Variants in BSN observed in about 807,000 individuals in gnomAD.
The protein encoded by BSN is bassoon presynaptic cytomatrix protein, also known as protein bassoon.
Under a neutral mutation model 264.8 loss-of-function variants are expected in BSN, and 57 were observed. The observed-to-expected ratio is 0.22, with a 90% CI of 0.17 to 0.27. The LOEUF (loss-of-function observed/expected upper bound fraction) is 0.27. BSN is among the 10% of genes least tolerant of loss of function. BSN has a pLI of 1.00. For missense variants in BSN, 4,615 were observed against 5,232.5 expected (o/e 0.88, Z 3.64); for synonymous variants, 2,059 against 2,137.3 (o/e 0.96, Z 1.01).
At chr3:49,580,978 C>CT (rs71080537) in intron 1 of BSN, among the ~76,000 whole-genome samples, 42,737 of 143,782 alleles carry the variant, frequency 0.3, 6,556 homozygotes, top group Middle Eastern at 0.33. Flanking sequence ...CGCCTGTTAA[C>CT]TTTTTTTTTT....
At chr3:49,565,144 C>CTTT (rs971015437) in intron 1 of BSN, among the ~76,000 whole-genome samples, 70 of 104,580 alleles carry the variant, frequency 6.7e-4, no homozygotes, top group Non-Finnish European at 8.7e-4. Flanking sequence ...AGAGGATTTT[C>CTTT]TTTTTTTTTT....
At chr3:49,555,064 C>G in intron 1 of BSN, among the ~76,000 whole-genome samples, 1 of 152,190 alleles carries the variant, frequency 6.6e-6, no homozygotes, top group East Asian at 1.9e-4. Flanking sequence ...GACCGTGACT[C>G]CGTCACGAAC....
At chr3:49,605,897 T>TATCTATATCTATA (rs1491451068) in intron 1 of BSN, among the ~76,000 whole-genome samples, 1 of 52,254 alleles carries the variant, frequency 1.9e-5, no homozygotes, top group Non-Finnish European at 3.2e-5. Context: ...AATATATTTA[T>TATCTATATCTATA]GTCTATATAA....
chr3:49,655,945 A>G lies in BSN; in HGVS notation c.6389A>G (p.Gln2130Arg). The G allele has an allele frequency of 6.2e-7, 1 of 1,611,094 alleles. No individual in the cohort carries two copies. Among genetic ancestry groups the G allele is most frequent in the Non-Finnish European group, 8.5e-7 (1 of 1,179,806 alleles). Residue 2130 changes from glutamine to arginine, a missense_variant, in exon 5 of 12, where the codon CAG becomes CGG. By Grantham distance (43) the Gln-to-Arg change is conservative. Coordinates refer to ENST00000296452, the MANE Select transcript of BSN (RefSeq NM_003458.4). ...CCTGACCTTGTGCAGTACCAGCCCC[A>G]GCACGGGCCCGGGCTCAGTGCTCCA... The part of the protein sequence containing the change: ...GGPDLVQYQP[Q>R]HGPGLSAPQS...
Position 49,625,373 on chromosome 3 carries a change from A to C in BSN, c.623A>C (p.His208Pro). The change falls in exon 2 of 12, where the codon CAT becomes CCT. Residue 208 changes from histidine (H) to proline (P), a missense_variant. By Grantham distance (77) the His-to-Pro change is moderately conservative (BLOSUM62 -2). Around this residue, in one of 3 missense-constraint regions of BSN, gnomAD observed 1,197 missense variants for 1,348.0 expected, o/e 0.89. Transcript: ENST00000296452. The surrounding 1 kb of genome is among the most constrained non-coding windows in gnomAD (Gnocchi z 4.4). Reference protein sequence around the residue: ...CNQCGFNPNPHLTQVKEWLCL... With the variant: ...CNQCGFNPNPPLTQVKEWLCL... ...CAGTGTGGGTTCAACCCCAACCCTC[A>C]TCTCACCCAGGTAACCACTTCTGCG... The C allele has an allele frequency of 6.7e-7, 1 of 1,484,150 alleles. No homozygotes were observed. Among genetic ancestry groups the C allele is most frequent in the Non-Finnish European group, 9.0e-7 (1 of 1,115,348 alleles). 91.9% of individuals were successfully genotyped at this position (1,484,150 alleles called of 1,614,324 possible).
chr3:49,651,550 T>C lies in BSN; in HGVS notation c.1994T>C (p.Val665Ala). Residue 665 changes from valine (V) to alanine (A), a missense_variant, in exon 5 of 12, where the codon GTG becomes GCG. Coordinates refer to ENST00000296452, the MANE Select transcript of BSN (RefSeq NM_003458.4). The surrounding 1 kb of genome is among the most constrained non-coding windows in gnomAD (Gnocchi z 5.4). ...APKGGEAEDL[V>A]GKPYSQDASR... The stretch of plus-strand genomic sequence containing the variant: ...CTTTTCACCCTGCTGCAGGACCTGG[T>C]GGGCAAGCCTTACTCTCAGGATGCG... 1 of 1,559,294 alleles carries C rather than the reference T, an allele frequency of 6.4e-7. No individual in the cohort carries two copies.
chr3:49,663,889 G>T lies in BSN; in HGVS notation c.11608+3G>T. 1 of 1,613,658 alleles carries T rather than the reference G, an allele frequency of 6.2e-7. No individual in the cohort carries two copies. The highest frequency in any genetic ancestry group is 1.1e-5 in the South Asian group (1 of 91,060). ...AGCACCAGGACCTGGACCTGCAGGT[G>T]AGCCTATCCTTTGACACCCTTGGCT... On this transcript the variant is annotated splice_donor_region_variant and intron_variant, in intron 8 of 11. Coordinates refer to ENST00000296452, the MANE Select transcript of BSN (RefSeq NM_003458.4).
At position 49,666,299 on chromosome 3, in the gene BSN, C is replaced by T. The variant is rs971510796; in HGVS notation, c.*104+981C>T. 5.4e-4 allele frequency among the ~76,000 whole-genome samples: 82 copies of T among 152,274 alleles called. 1 individual carries two copies. The highest frequency in any genetic ancestry group is 2.0e-3 in the African/African-American group (82 of 41,566). ...GGAAGGAGCTAGGTGTGATACCTCA[C>T]AGGCTACCTTTCTCTGGAAAAGCAG... On this transcript the variant is annotated intron_variant, in intron 11 of 11. Transcript: ENST00000296452.
chr3:49,628,507 A>T (rs758882111), intron 2 of BSN, among the ~76,000 whole-genome samples: 1 of 152,204 alleles, frequency 6.6e-6, no homozygotes, highest in Non-Finnish European at 1.5e-5. Context: ...TTTTCTGGCC[A>T]GCGGACCCAA....
Position 49,625,008 on chromosome 3 carries a change from G to C in BSN, c.258G>C (p.Leu86=). Residue 86 remains leucine (L), a synonymous_variant, in exon 2 of 12, where the codon CTG becomes CTC. Coordinates refer to ENST00000296452, the MANE Select transcript of BSN (RefSeq NM_003458.4). The surrounding 1 kb of genome is among the most constrained non-coding windows in gnomAD (Gnocchi z 4.4). ...GGAGACTGGACCCCAAGGAACCCCTGGGTAACCAGAGAGCAGCTTCCCCAA... is the reference window on the plus strand; with the variant it reads ...GGAGACTGGACCCCAAGGAACCCCTCGGTAACCAGAGAGCAGCTTCCCCAA... ...TSRRLDPKEP[L]GNQRAASPTP... The C allele has an allele frequency of 6.4e-7, 1 of 1,552,570 alleles. No individual in the cohort carries two copies. Among genetic ancestry groups the C allele is most frequent in the Non-Finnish European group, 8.7e-7 (1 of 1,153,390 alleles).
rs777827403 is a variant in BSN at position 49,657,538 on chromosome 3, T to C, written c.7982T>C (p.Met2661Thr). ...SSSAAATVRA[M>T]SSVGIQTISD... The stretch of plus-strand genomic sequence containing the variant: ...AGTGCTGCTGCCACTGTGAGGGCCA[T>C]GAGCAGCGTGGGCATCCAGACCATC... The change falls in exon 5 of 12, where the codon ATG becomes ACG. Residue 2661 changes from methionine to threonine, a missense_variant. Around this residue, in one of 3 missense-constraint regions of BSN, gnomAD observed 3,415 missense variants for 3,866.4 expected, o/e 0.88. Coordinates refer to ENST00000296452, the MANE Select transcript of BSN (RefSeq NM_003458.4). 1.2e-6 allele frequency: 2 copies of C among 1,613,212 alleles called. No homozygotes were observed. Among genetic ancestry groups the C allele is most frequent in the Admixed American group, 1.7e-5 (1 of 60,028 alleles).
At chr3:49,624,316 T>TTTTTTTTTTTGG in intron 1 of BSN, among the ~76,000 whole-genome samples, 1 of 143,596 alleles carries the variant, frequency 7.0e-6, no homozygotes, top group Non-Finnish European at 1.5e-5. Context: ...TTTTTTTTTT[T>TTTTTTTTTTTGG]TAGACAGGGT....
chr3:49,578,276 G>A (rs2051862244), intron 1 of BSN, among the ~76,000 whole-genome samples: 1 of 152,084 alleles, frequency 6.6e-6, no homozygotes. Flanking sequence ...ATAGGCACAA[G>A]CCACTGTGCC....
intron 1 of BSN, among the ~76,000 whole-genome samples, chr3:49,592,481 C>A (rs999612719): frequency 1.3e-5 from 2 of 150,590 alleles, no homozygotes; most frequent in East Asian, 3.9e-4. Flanking sequence ...GGGCCGGACG[C>A]GGTGGCTCAC....
chr3:49,597,625 T>A (rs2052034846), intron 1 of BSN, among the ~76,000 whole-genome samples: 1 of 152,082 alleles, frequency 6.6e-6, no homozygotes, highest in Non-Finnish European at 1.5e-5. Flanking sequence ...GCCACTGCAC[T>A]TGGTTCATTA....
chr3:49,619,695 G>A (rs1559606955), intron 1 of BSN, among the ~76,000 whole-genome samples: 1 of 152,180 alleles, frequency 6.6e-6, no homozygotes, highest in Non-Finnish European at 1.5e-5. Flanking sequence ...TCTATGGTAC[G>A]GCTGGGGGTG....
At position 49,642,233 on chromosome 3, in the gene BSN, G is replaced by C; in HGVS notation, c.634-35G>C. 1 of 1,479,080 alleles carries C rather than the reference G, an allele frequency of 6.8e-7. No individual in the cohort carries two copies. Among genetic ancestry groups the C allele is most frequent in the African/African-American group, 1.4e-5 (1 of 71,006 alleles). The allele number at this position is 1,479,080 out of a possible 1,614,324, so 91.6% of individuals were successfully genotyped here. The stretch of plus-strand genomic sequence containing the variant: ...CTGGGCCATGAGTACTGCCAATCCT[G>C]GCCACCCTGCTGACTATTTTGCTTT... On this transcript the variant is annotated intron_variant, in intron 2 of 11. Transcript: ENST00000296452. This position sits in a 1 kb window ranked among gnomAD's most constrained non-coding sequence, Gnocchi z 7.0.
At chr3:49,665,023 AG>A (rs2108100946) in intron 10 of BSN, among the ~76,000 whole-genome samples, 170 bp downstream of exon 10, 2 of 152,188 alleles carry the variant, frequency 1.3e-5, no homozygotes, top group Non-Finnish European at 2.9e-5. Flanking sequence ...GAGAAAAAGG[AG>A]GGACACTGTG....
chr3:49,578,182 GACA>G (rs1553658754), intron 1 of BSN, among the ~76,000 whole-genome samples: 1 of 151,994 alleles, frequency 6.6e-6, no homozygotes, highest in Non-Finnish European at 1.5e-5. Flanking sequence ...TTTTCTTAAA[GACA>G]GGACCGTCCT....
Sources: allele counts gnomAD v4.1 joint callset (sites outside exome capture counted in the v4.1 genomes callset), GRCh38; gene constraint gnomAD v4.1.1; regional missense constraint gnomAD v4.1.1; non-coding constraint Gnocchi (gnomAD v3.1); transcripts MANE v1.5; gene names NCBI Gene and HGNC (gene_info 2026-07-23, HGNC 2026-07-21).